Variants in AFF2 observed in about 807,000 individuals in gnomAD.
AFF2 encodes ALF transcription elongation factor 2, also known as AF4/FMR2 family member 2.
Under a neutral mutation model 76.9 loss-of-function variants are expected in AFF2, and 14 were observed. The ratio of observed to expected loss-of-function variants is 0.18; its 90% CI spans 0.12 to 0.28. AFF2 has a LOEUF of 0.28. Ranked by LOEUF, AFF2 falls within the 10% of genes least tolerant of loss-of-function variation. AFF2 has a pLI of 1.00. For missense variants in AFF2, 868 were observed against 1,001.1 expected (o/e 0.87, Z 1.79); for synonymous variants, 398 against 366.7 (o/e 1.09, Z -0.98).
chrX:148,559,453 T>C (rs1175051378), intron 1 of AFF2, among the ~76,000 whole-genome samples: 1 of 110,948 alleles, frequency 9.0e-6, no homozygotes, highest in African/African-American at 3.3e-5. Flanking sequence ...GGCCCTGGTG[T>C]GTGATGTTCC....
chrX:148,660,448 C>G (rs2054293413), intron 2 of AFF2, among the ~76,000 whole-genome samples: 1 of 112,085 alleles, frequency 8.9e-6, no homozygotes, highest in Non-Finnish European at 1.9e-5. Flanking sequence ...TCTGCATATC[C>G]TCCCATCTTC....
intron 3 of AFF2, among the ~76,000 whole-genome samples, chrX:148,799,373 T>A (rs782462920): frequency 7.2e-5 from 8 of 111,735 alleles, no homozygotes; most frequent in African/African-American, 2.6e-4. Context: ...ATCAAACTAT[T>A]ACTCTGACAC....
intron 1 of AFF2, among the ~76,000 whole-genome samples, chrX:148,561,460 A>G (rs1603242797): frequency 8.9e-6 from 1 of 112,154 alleles, no homozygotes; most frequent in East Asian, 2.8e-4. Flanking sequence ...TTCAGCATCA[A>G]ATTAGTCAGT....
chrX:148,533,053 G>T (rs891814331), intron 1 of AFF2, among the ~76,000 whole-genome samples: 1 of 111,676 alleles, frequency 9.0e-6, no homozygotes, highest in Non-Finnish European at 1.9e-5. Flanking sequence ...TTGCAGTCAC[G>T]CTCTATCACC....
At chrX:148,693,851 C>T (rs1432166224) in intron 3 of AFF2, among the ~76,000 whole-genome samples, 1 of 111,917 alleles carries the variant, frequency 8.9e-6, no homozygotes, top group African/African-American at 3.3e-5. Context: ...ACAATGAATT[C>T]AACTTCCTTT....
At chrX:148,612,428 T>C (rs2124403748) in intron 1 of AFF2, among the ~76,000 whole-genome samples, 1 of 112,485 alleles carries the variant, frequency 8.9e-6, no homozygotes, top group African/African-American at 3.2e-5. Flanking sequence ...TGAATATACA[T>C]TGCTTTTCTA....
intron 1 of AFF2, among the ~76,000 whole-genome samples, chrX:148,542,309 C>A (rs16994603): frequency 0.031 from 3,358 of 107,328 alleles, 134 homozygotes; most frequent in African/African-American, 0.11. Flanking sequence ...CAGCCCTTAG[C>A]GAACCAACAT....
At chrX:148,893,047 A>G (rs2071242082) in intron 8 of AFF2, among the ~76,000 whole-genome samples, 1 of 112,031 alleles carries the variant, frequency 8.9e-6, no homozygotes, top group South Asian at 3.7e-4. Flanking sequence ...TTTCATTGAA[A>G]TCCCTCACAG....
chrX:148,594,805 A>G (rs2053557494), intron 1 of AFF2, among the ~76,000 whole-genome samples: 1 of 111,674 alleles, frequency 9.0e-6, no homozygotes, highest in Non-Finnish European at 1.9e-5. Flanking sequence ...CCTCTCCCTC[A>G]CTCTTACTGC....
intron 7 of AFF2, among the ~76,000 whole-genome samples, chrX:148,848,153 A>C (rs1557274932): frequency 9.0e-6 from 1 of 110,720 alleles, no homozygotes; most frequent in African/African-American, 3.3e-5. Flanking sequence ...TTGTACCTGG[A>C]CACAACATTC....
chrX:148,890,034 T>C (rs1419666011), intron 8 of AFF2, among the ~76,000 whole-genome samples: 2 of 112,135 alleles, frequency 1.8e-5, no homozygotes, highest in African/African-American at 6.5e-5. Flanking sequence ...ATATATTTAC[T>C]TTCCCTTTTC....
At chrX:148,749,959 AT>A (rs1206517035) in intron 3 of AFF2, among the ~76,000 whole-genome samples, 24 of 103,452 alleles carry the variant, frequency 2.3e-4, no homozygotes, top group African/African-American at 8.5e-4. Context: ...TTATTTATTT[AT>A]TTATTTATTT....
intron 11 of AFF2, among the ~76,000 whole-genome samples, chrX:148,957,208 C>T (rs1557287495): frequency 8.9e-6 from 1 of 111,744 alleles, no homozygotes; most frequent in African/African-American, 3.3e-5. Context: ...CGTATCTCCA[C>T]ATCTCAGGGT....
At chrX:148,991,122 G>T in intron 20 of AFF2, 89 bp from the exon 21 acceptor site, 1 of 908,579 alleles carries the variant, frequency 1.1e-6, no homozygotes, top group Non-Finnish European at 1.5e-6. Context: ...CCATGTGGTT[G>T]TGGTGTTGTG....
intron 3 of AFF2, among the ~76,000 whole-genome samples, chrX:148,747,603 CTT>C (rs1329630457): frequency 9.0e-6 from 1 of 111,455 alleles, no homozygotes; most frequent in Non-Finnish European, 1.9e-5. Flanking sequence ...TTACACATCT[CTT>C]TATTTTTTTT....
intron 3 of AFF2, among the ~76,000 whole-genome samples, chrX:148,731,486 G>A (rs184130740): frequency 9.0e-6 from 1 of 111,722 alleles, no homozygotes; most frequent in African/African-American, 3.3e-5. Context: ...TTCGGACAAA[G>A]CACTTACTTT....
Position 148,994,445 on chromosome X carries a change from A to G in AFF2, c.*3113A>G, listed in dbSNP as rs1557292741. 8.9e-6 allele frequency: 1 copy of G among 112,350 alleles called. No homozygotes were observed. 9.3% of individuals were successfully genotyped at this position (112,350 alleles called of 1,213,427 possible). ...CAGCCTGTAGACTGTTAATTACTTA[A>G]TAATCTCATTGGGAAAATACTAGTA... On this transcript the variant is annotated 3_prime_UTR_variant, in exon 21 of 21. Coordinates refer to ENST00000370460, the MANE Select transcript of AFF2 (RefSeq NM_002025.4).
chrX:148,751,669 A>G lies in AFF2; in HGVS notation c.1042-58207A>G, dbSNP rs909004783. ...GGACATGAGGAGTTTCTGATTAGAA[A>G]GCCCATCTTGTCCTGGGTAGCCAAA... On this transcript the variant is annotated intron_variant, in intron 3 of 20. Coordinates refer to ENST00000370460, the MANE Select transcript of AFF2 (RefSeq NM_002025.4). Among the ~76,000 whole-genome samples the G allele has an allele frequency of 3.6e-5, 4 of 111,771 alleles. No homozygotes were observed. The East Asian group carries it at 1.1e-3, about 31-fold the overall frequency.
At chrX:148,797,046 T>G (rs1268085512) in intron 3 of AFF2, among the ~76,000 whole-genome samples, 3 of 112,773 alleles carry the variant, frequency 2.7e-5, no homozygotes, top group Non-Finnish European at 3.7e-5. Context: ...GCCTGTCGTC[T>G]GTTTTCGTTA....
Sources: allele counts gnomAD v4.1 joint callset (sites outside exome capture counted in the v4.1 genomes callset), GRCh38; gene constraint gnomAD v4.1.1; transcripts MANE v1.5; gene names NCBI Gene and HGNC (gene_info 2026-07-23, HGNC 2026-07-21).